The following ZMYM2 variants were observed in gnomAD, a reference collection of about 807,000 sequenced individuals.
The protein encoded by ZMYM2 is zinc finger MYM-type containing 2.
ZMYM2 carries 56 observed loss-of-function variants against 162.8 expected under a neutral mutation model. The observed-to-expected ratio is 0.34, with a 90% confidence interval of 0.28 to 0.43. ZMYM2 has a LOEUF of 0.43. Ranked by LOEUF, ZMYM2 falls within the 20% of genes least tolerant of loss-of-function variation. ZMYM2 has a pLI of 1.00. For missense variants in ZMYM2, 1,275 were observed against 1,621.8 expected (o/e 0.79, Z 3.67); for synonymous variants, 510 against 541.6 (o/e 0.94, Z 0.81).
intron 12 of ZMYM2, among the ~76,000 whole-genome samples, chr13:20,039,299 C>G (rs1954014773): frequency 6.6e-6 from 1 of 152,074 alleles, no homozygotes; most frequent in Non-Finnish European, 1.5e-5. Flanking sequence ...CCAGGACTTC[C>G]AATACTGTGT....
At chr13:19,979,134 CTAA>C (rs1429285245) in intron 2 of ZMYM2, among the ~76,000 whole-genome samples, 1 of 152,150 alleles carries the variant, frequency 6.6e-6, no homozygotes, top group African/African-American at 2.4e-5. Context: ...TCTAAATAAT[CTAA>C]TGAGGATTCC....
the ZMYM2 span, among the ~76,000 whole-genome samples, chr13:19,910,288 G>T: frequency 6.6e-6 from 1 of 152,072 alleles, no homozygotes; most frequent in Admixed American, 6.6e-5. Flanking sequence ...CAGAGATTCT[G>T]CATTTAGTGT....
the ZMYM2 span, among the ~76,000 whole-genome samples, chr13:19,918,172 T>C: frequency 1.3e-5 from 2 of 152,136 alleles, no homozygotes; most frequent in Admixed American, 1.3e-4. Flanking sequence ...TGGCCGCATG[T>C]AGTGGCTCAC....
At chr13:19,930,324 C>T in the ZMYM2 span, among the ~76,000 whole-genome samples, 3 of 151,982 alleles carry the variant, frequency 2.0e-5, no homozygotes, top group Non-Finnish European at 4.4e-5. Context: ...TCGCTTGAAC[C>T]CAGGAGGCGA....
chr13:19,970,600 C>CAAAAAAAAA (rs11365281), intron 2 of ZMYM2, among the ~76,000 whole-genome samples: 4 of 88,098 alleles, frequency 4.5e-5, no homozygotes, highest in Non-Finnish European at 6.8e-5. Context: ...AACCCCAAAC[C>CAAAAAAAAA]AAAAAAAAAA....
the ZMYM2 span, among the ~76,000 whole-genome samples, chr13:19,939,149 G>T: frequency 6.6e-6 from 1 of 150,484 alleles, no homozygotes; most frequent in Non-Finnish European, 1.5e-5. Context: ...TCAGGCTCCC[G>T]AGTAACTGGG....
the ZMYM2 span, among the ~76,000 whole-genome samples, chr13:19,879,074 G>A: frequency 1.3e-5 from 2 of 152,122 alleles, no homozygotes; most frequent in Non-Finnish European, 2.9e-5. Context: ...CAAATCCAAT[G>A]TAATGAATGT....
chr13:19,926,318 A>G, the ZMYM2 span, among the ~76,000 whole-genome samples: 9 of 139,520 alleles, frequency 6.5e-5, no homozygotes, highest in Admixed American at 4.3e-4. Flanking sequence ...TAAAGGATGT[A>G]TTGTTTTTTG....
chr13:19,931,070 C>T, the ZMYM2 span, among the ~76,000 whole-genome samples: 6 of 148,552 alleles, frequency 4.0e-5, no homozygotes, highest in Non-Finnish European at 7.4e-5. Context: ...ACCCAGGAGG[C>T]GGAGCTTGCA....
At chr13:20,066,796 A>C (rs1956714207) in intron 19 of ZMYM2, 55 bp from the exon 20 acceptor site, 1 of 1,441,260 alleles carries the variant, frequency 6.9e-7, no homozygotes. Context: ...TGTATAAAGT[A>C]ATGAAATAAT....
chr13:20,074,237 T>TGTGTGTGA lies in ZMYM2; in HGVS notation c.3453+6848_3453+6849insTGTGTGAG, dbSNP rs1491090474. ...GTGTGTGTGTGTGTGTGTGTGTGTGTGAGAGAGACAGAGAGACAGGGTCTC... is the reference window on the plus strand; with the variant it reads ...GTGTGTGTGTGTGTGTGTGTGTGTGTGTGTGTGAGAGAGAGACAGAGAGACAGGGTCTC... On this transcript the variant is annotated intron_variant, in intron 21 of 24. Transcript: ENST00000610343. Among the ~76,000 whole-genome samples the TGTGTGTGA allele has an allele frequency of 2.2e-3, 283 of 127,554 alleles. 3 individuals carry two copies. Among genetic ancestry groups the TGTGTGTGA allele is most frequent in the African/African-American group, 6.7e-3 (252 of 37,690 alleles). The allele number at this position is 127,554 out of a possible 152,430, so 83.7% of individuals were successfully genotyped here. A position where few individuals can be genotyped will look rare whatever the true frequency, so the allele number is the denominator to read the frequency against.
chr13:19,961,906 A>G (rs9579746), intron 2 of ZMYM2, among the ~76,000 whole-genome samples: 15,475 of 152,242 alleles, frequency 0.1, 1,303 homozygotes, highest in African/African-American at 0.22. Flanking sequence ...ACATATGTAA[A>G]TGCTTTTAGA....
At chr13:20,053,412 G>A (rs564910455) in intron 14 of ZMYM2, among the ~76,000 whole-genome samples, 3 of 152,260 alleles carry the variant, frequency 2.0e-5, no homozygotes, top group East Asian at 1.9e-4. Context: ...TGTAATCCCT[G>A]CAACAAGGCA....
the ZMYM2 span, among the ~76,000 whole-genome samples, chr13:19,918,495 CT>C: frequency 8.9e-3 from 957 of 107,484 alleles, 3 homozygotes; most frequent in African/African-American, 0.026. Flanking sequence ...TTCTTTCTTT[CT>C]TTTTTTTTTT....
chr13:19,878,981 A>G, the ZMYM2 span, among the ~76,000 whole-genome samples: 1 of 152,106 alleles, frequency 6.6e-6, no homozygotes. Flanking sequence ...ATGCAAAAAA[A>G]TTTTTAATTT....
the ZMYM2 span, among the ~76,000 whole-genome samples, chr13:19,935,343 G>A: frequency 4.0e-4 from 61 of 151,276 alleles, no homozygotes; most frequent in Non-Finnish European, 7.4e-4. Context: ...CACCATATTG[G>A]CCAGGCTGGT....
intron 6 of ZMYM2, among the ~76,000 whole-genome samples, chr13:20,013,578 G>A (rs1481154354): frequency 6.6e-6 from 1 of 152,086 alleles, no homozygotes; most frequent in Non-Finnish European, 1.5e-5. Context: ...CATATGCATG[G>A]CTTTTAGTAT....
At position 20,086,926 on chromosome 13, in the gene ZMYM2, TTTGA is replaced by T. The variant is rs1327288484; in HGVS notation, c.*915_*918del. ...CTGAAATCCTCTTCATTTATAGAGG[TTTGA>T]TTTTTATTTCTTTTTTTCCCTCTTA... On this transcript the variant is annotated 3_prime_UTR_variant, in exon 25 of 25. Transcript: ENST00000610343. 3 of 179,470 alleles carry T rather than the reference TTTGA, an allele frequency of 1.7e-5. No individual in the cohort carries two copies. The highest frequency in any genetic ancestry group is 2.4e-5 in the Non-Finnish European group (2 of 83,850). The allele number at this position is 179,470 out of a possible 1,614,324, so 11.1% of individuals were successfully genotyped here.
chr13:19,925,983 C>T, the ZMYM2 span, among the ~76,000 whole-genome samples: 4 of 149,162 alleles, frequency 2.7e-5, no homozygotes, highest in East Asian at 6.0e-4. Flanking sequence ...TTTTTTGAGA[C>T]GGAGTCTTGC....
Sources: allele counts gnomAD v4.1 joint callset (sites outside exome capture counted in the v4.1 genomes callset), GRCh38; gene constraint gnomAD v4.1.1; transcripts MANE v1.5; gene names NCBI Gene and HGNC (gene_info 2026-07-23, HGNC 2026-07-21).